ZFYVE28: variants seen among roughly 807,000 people sequenced by gnomAD.
ZFYVE28 encodes lateral signaling target protein 2 homolog.
Under a neutral mutation model 82.1 loss-of-function variants are expected in ZFYVE28, and 40 were observed. The ratio of observed to expected loss-of-function variants is 0.49; its 90% confidence interval spans 0.38 to 0.63. The LOEUF (loss-of-function observed/expected upper bound fraction) is 0.63. Ranked by LOEUF, ZFYVE28 falls within the 30% of genes least tolerant of loss-of-function variation. The pLI is 0.00. For missense variants in ZFYVE28, 1,321 were observed against 1,242.1 expected (o/e 1.06, Z -0.96); for synonymous variants, 612 against 546.1 (o/e 1.12, Z -1.68).
At chr4:2,322,540 G>A (rs1052643592) in intron 6 of ZFYVE28, among the ~76,000 whole-genome samples, 6 of 152,152 alleles carry the variant, frequency 3.9e-5, no homozygotes, top group Non-Finnish European at 7.4e-5. Context: ...AGGACGCCCC[G>A]CACAGTGGAG....
intron 8 of ZFYVE28, among the ~76,000 whole-genome samples, chr4:2,275,429 A>T (rs542006007): frequency 1.3e-5 from 2 of 152,236 alleles, no homozygotes; most frequent in African/African-American, 4.8e-5. Flanking sequence ...TTTACTCTTG[A>T]CGTTTAAATT....
At chr4:2,274,643 G>A (rs560293087) in intron 8 of ZFYVE28, among the ~76,000 whole-genome samples, 5 of 152,270 alleles carry the variant, frequency 3.3e-5, no homozygotes, top group East Asian at 1.9e-4. Flanking sequence ...GCCTGTGAAC[G>A]TGACCTCATT....
At chr4:2,351,300 G>C (rs967001509) in intron 2 of ZFYVE28, among the ~76,000 whole-genome samples, 5 of 152,208 alleles carry the variant, frequency 3.3e-5, no homozygotes, top group African/African-American at 1.2e-4. Flanking sequence ...GACTGTGTGA[G>C]AGTAGAGAGT....
rs1346680831 is a variant in ZFYVE28, at chr4:2,332,981, C to A, written c.701+2724G>T. Among the ~76,000 whole-genome samples, 11 of 152,036 alleles carry A rather than the reference C, an allele frequency of 7.2e-5. No homozygotes were observed. Among genetic ancestry groups the A allele is most frequent in the African/African-American group, 2.7e-4 (11 of 41,392 alleles). ...CTGCTCCCTGGACTCTGGCTTTGGG[C>A]TCTTATGCCCTCTCGCCCTTCCTCC... On this transcript the variant is annotated intron_variant, in intron 6 of 12. Coordinates refer to ENST00000290974, the MANE Select transcript of ZFYVE28 (RefSeq NM_020972.3). This position sits in a 1 kb window ranked among gnomAD's most constrained non-coding sequence, Gnocchi z 4.7.
chr4:2,404,516 A>G (rs1731608657), intron 1 of ZFYVE28, among the ~76,000 whole-genome samples: 1 of 152,234 alleles, frequency 6.6e-6, no homozygotes, highest in African/African-American at 2.4e-5. Context: ...AATATTATTC[A>G]GCCATAAAAA....
chr4:2,330,520 A>G, intron 6 of ZFYVE28: 2 of 1,142,462 alleles, frequency 1.8e-6, no homozygotes, highest in Non-Finnish European at 2.2e-6. Flanking sequence ...AGGGGAGAGG[A>G]CATTGCAGAG....
At chr4:2,317,768 G>A (rs1217095813) in intron 7 of ZFYVE28, among the ~76,000 whole-genome samples, 1 of 152,166 alleles carries the variant, frequency 6.6e-6, no homozygotes, top group Non-Finnish European at 1.5e-5. Context: ...AAATAGCTGG[G>A]ATTACAGGCG....
At chr4:2,321,025 A>G (rs1183786041) in intron 6 of ZFYVE28, among the ~76,000 whole-genome samples, 1 of 151,824 alleles carries the variant, frequency 6.6e-6, no homozygotes, top group Non-Finnish European at 1.5e-5. Context: ...TTGATCATCC[A>G]TGTCTCAGCC....
rs554010737 is a variant in ZFYVE28, at chr4:2,340,440, A to G, written c.319-785T>C. ...CTTGTCTAGAGGCCGGGGCCTCGCC[A>G]GGTTTAGGATAGAACCAATCCACCT... On this transcript the variant is annotated intron_variant, in intron 3 of 12. Transcript: ENST00000290974. 5.3e-5 allele frequency among the ~76,000 whole-genome samples: 8 copies of G among 152,332 alleles called. No individual in the cohort carries two copies. In the East Asian group the frequency reaches 5.8e-4, roughly 11 times the overall value.
At chr4:2,329,686 T>TAA (rs1256374393) in intron 6 of ZFYVE28, among the ~76,000 whole-genome samples, 1 of 152,270 alleles carries the variant, frequency 6.6e-6, no homozygotes, top group African/African-American at 2.4e-5. Context: ...CTATCAATGT[T>TAA]AAGAAACTCT....
intron 8 of ZFYVE28, among the ~76,000 whole-genome samples, chr4:2,280,130 AG>A (rs1299181293): frequency 6.6e-6 from 1 of 152,272 alleles, no homozygotes; most frequent in Non-Finnish European, 1.5e-5. Flanking sequence ...TCAATACATT[AG>A]GTCATATCCC....
intron 1 of ZFYVE28, among the ~76,000 whole-genome samples, chr4:2,404,900 C>A (rs1731688317): frequency 7.4e-6 from 1 of 136,044 alleles, no homozygotes; most frequent in African/African-American, 2.8e-5. Flanking sequence ...TGCTCTGTCA[C>A]CCTTGCCCAG....
chr4:2,398,143 C>T lies in ZFYVE28; in HGVS notation c.39+20142G>A, dbSNP rs551161543. ...GGCTGGAGATACAAGTGTGAGGCAC[C>T]AAGGGCAAGGGACCTAGAGCTGGTG... On this transcript the variant is annotated intron_variant, in intron 1 of 12. Transcript: ENST00000290974. Among the ~76,000 whole-genome samples the T allele has an allele frequency of 3.3e-5, 5 of 152,288 alleles. No individual in the cohort carries two copies. The South Asian group carries it at 1.0e-3, about 32-fold the overall frequency.
At position 2,339,137 on chromosome 4, in the gene ZFYVE28, G is replaced by C. The variant is rs1490849059; in HGVS notation, c.521+316C>G. ...GGCTGCCTCTGTTTTCTTCTCACCTGTGACGTCTCTTCATCTTCCGAGGCA... is the reference window on the plus strand; with the variant it reads ...GGCTGCCTCTGTTTTCTTCTCACCTCTGACGTCTCTTCATCTTCCGAGGCA... On this transcript the variant is annotated intron_variant, in intron 4 of 12. Coordinates refer to ENST00000290974, the MANE Select transcript of ZFYVE28 (RefSeq NM_020972.3). This position sits in a 1 kb window ranked among gnomAD's most constrained non-coding sequence, Gnocchi z 5.0. 6.6e-6 allele frequency among the ~76,000 whole-genome samples: 1 copy of C among 152,088 alleles called. No individual in the cohort carries two copies. The highest frequency in any genetic ancestry group is 2.4e-5 in the African/African-American group (1 of 41,412).
intron 1 of ZFYVE28, among the ~76,000 whole-genome samples, chr4:2,360,479 C>A (rs954617849): frequency 1.3e-5 from 2 of 151,902 alleles, no homozygotes; most frequent in Non-Finnish European, 2.9e-5. Context: ...CTGAGTTAGC[C>A]CCTGAGCTAG....
chr4:2,411,997 G>C (rs1380558255), intron 1 of ZFYVE28, among the ~76,000 whole-genome samples: 1 of 152,224 alleles, frequency 6.6e-6, no homozygotes, highest in Non-Finnish European at 1.5e-5. Context: ...GACAACCATA[G>C]AGGAGGCAGG....
intron 8 of ZFYVE28, among the ~76,000 whole-genome samples, chr4:2,280,354 C>G (rs979868751): frequency 1.3e-5 from 2 of 151,616 alleles, no homozygotes; most frequent in African/African-American, 4.8e-5. Context: ...ACAAAAAATC[C>G]AAAATTAGCC....
rs193217198 is a variant in ZFYVE28 at position 2,406,118 on chromosome 4, T to C, written c.39+12167A>G. On this transcript the variant is annotated intron_variant, in intron 1 of 12. Coordinates refer to ENST00000290974, the MANE Select transcript of ZFYVE28 (RefSeq NM_020972.3). ...CGGGCATGGTGGCACATGCCTGTAA[T>C]CCCAGCACTTTGGGAGGCCGAGGCA... is the stretch of plus-strand genomic sequence containing the variant. 6.1e-3 allele frequency among the ~76,000 whole-genome samples: 907 copies of C among 149,246 alleles called. 4 individuals carry two copies. The highest frequency in any genetic ancestry group is 0.022 in the Middle Eastern group (6 of 278).
intron 1 of ZFYVE28, among the ~76,000 whole-genome samples, chr4:2,412,394 G>A (rs1335561284): frequency 3.3e-5 from 5 of 152,120 alleles, no homozygotes; most frequent in African/African-American, 9.7e-5. Context: ...CTGTTACTGT[G>A]AGTCTTGGAC....
Sources: allele counts gnomAD v4.1 joint callset (sites outside exome capture counted in the v4.1 genomes callset), GRCh38; gene constraint gnomAD v4.1.1; non-coding constraint Gnocchi (gnomAD v3.1); transcripts MANE v1.5; gene names NCBI Gene and HGNC (gene_info 2026-07-23, HGNC 2026-07-21).